The following SIDT2 variants were observed in gnomAD, a reference collection of about 807,000 sequenced individuals.
The protein encoded by SIDT2 is SID1 transmembrane family member 2.
In SIDT2, 68 loss-of-function variants were observed where a neutral mutation model predicts 114.4. The observed-to-expected ratio is 0.59, with a 90% confidence interval of 0.49 to 0.73. SIDT2 has a LOEUF of 0.73. Among genes scored for constraint, SIDT2 ranks in the 30% least tolerant of loss-of-function variants. The pLI, the probability that SIDT2 is intolerant of heterozygous loss-of-function variation, is 0.00. For missense variants in SIDT2, 918 were observed against 1,097.1 expected, an observed-to-expected ratio of 0.84 and a Z score of 2.31; for synonymous variants, 470 against 438.4, an observed-to-expected ratio of 1.07 and a Z score of -0.90.
intron 23 of SIDT2, 56 bp from the exon 24 acceptor site, chr11:117,193,797 G>T (rs1279968316): frequency 2.3e-6 from 3 of 1,320,082 alleles, no homozygotes; most frequent in Non-Finnish European, 3.3e-6. Flanking sequence ...GGGTGGGACA[G>T]CGGGGTGGGA....
At chr11:117,183,110 G>A (rs546467565) in intron 6 of SIDT2, among the ~76,000 whole-genome samples, 2 of 152,314 alleles carry the variant, frequency 1.3e-5, no homozygotes, top group African/African-American at 2.4e-5. Context: ...TTGGGAGGCC[G>A]AGGTGGGCGG....
chr11:117,190,806 C>T lies in SIDT2; in HGVS notation c.1735+66C>T. ...GGGACCTGCCTGAGTCCTTCACTATCCCCAAGTCACCCACAGGGATCGCTA... is the reference window on the plus strand; with the variant it reads ...GGGACCTGCCTGAGTCCTTCACTATTCCCAAGTCACCCACAGGGATCGCTA... On this transcript the variant is annotated intron_variant, in intron 18 of 25. Transcript: ENST00000324225. The surrounding 1 kb of genome is among the most constrained non-coding windows in gnomAD (Gnocchi z 4.1). 3 of 1,277,754 alleles carry T rather than the reference C, an allele frequency of 2.3e-6. No individual in the cohort carries two copies. The highest frequency in any genetic ancestry group is 2.3e-6 in the Non-Finnish European group (2 of 876,564). 79.2% of individuals were successfully genotyped at this position (1,277,754 alleles called of 1,614,324 possible).
chr11:117,196,028 C>G lies in SIDT2; in HGVS notation c.2461C>G (p.Leu821Val). The change falls in exon 26 of 26, where the codon CTG becomes GTG. Residue 821 changes from leucine (L) to valine (V), a missense_variant. By Grantham distance (32) the Leu-to-Val change is conservative. Around this residue, in one of 4 missense-constraint regions of SIDT2, gnomAD observed 275 missense variants for 397.6 expected, o/e 0.69. Coordinates refer to ENST00000324225, the MANE Select transcript of SIDT2 (RefSeq NM_001040455.2). The surrounding 1 kb of genome is among the most constrained non-coding windows in gnomAD (Gnocchi z 4.9). ...GGTGTTGCTGACACTGGATGACGAC[C>G]TGGATACTGTGCAGCGGGACAAGAT... Reference protein sequence around the residue: ...FLVLLTLDDDLDTVQRDKIYV... With the variant: ...FLVLLTLDDDVDTVQRDKIYV... 6.2e-7 allele frequency: 1 copy of G among 1,614,254 alleles called. No homozygotes were observed. Among genetic ancestry groups the G allele is most frequent in the Non-Finnish European group, 8.5e-7 (1 of 1,180,048 alleles).
intron 10 of SIDT2, chr11:117,186,952 T>C (rs1016494393): frequency 6.8e-7 from 1 of 1,478,166 alleles, no homozygotes; most frequent in Non-Finnish European, 9.0e-7. Context: ...CCTCCCTCTC[T>C]TTCTGTCCTC....
At chr11:117,185,956 T>G in intron 8 of SIDT2, 174 bp from the exon 9 acceptor site, 1 of 549,438 alleles carries the variant, frequency 1.8e-6, no homozygotes, top group Non-Finnish European at 3.3e-6. Flanking sequence ...GTGTCAGAGT[T>G]TGGTGTATTA....
chr11:117,190,515 AC>A lies in SIDT2; in HGVS notation c.1618-104del. On this transcript the variant is annotated intron_variant, in intron 17 of 25. Coordinates refer to ENST00000324225, the MANE Select transcript of SIDT2 (RefSeq NM_001040455.2). This position sits in a 1 kb window ranked among gnomAD's most constrained non-coding sequence, Gnocchi z 4.1. ...CCCTGCACACCCACACTCGACACAT[AC>A]CCCACCCCTTTTCCTCTTCCACTCC... The A allele has an allele frequency of 1.8e-6, 2 of 1,097,404 alleles. No homozygotes were observed. The highest frequency in any genetic ancestry group is 1.3e-6 in the Non-Finnish European group (1 of 759,906). 68.0% of individuals were successfully genotyped at this position (1,097,404 alleles called of 1,614,324 possible).
At position 117,196,950 on chromosome 11, in the gene SIDT2, G is replaced by C. The variant is rs1014606807; in HGVS notation, c.*884G>C. 1 of 152,704 alleles carries C rather than the reference G, an allele frequency of 6.5e-6. No individual in the cohort carries two copies. Among genetic ancestry groups the C allele is most frequent in the Non-Finnish European group, 1.5e-5 (1 of 68,090 alleles). 9.5% of individuals were successfully genotyped at this position (152,704 alleles called of 1,614,324 possible). A position where few individuals can be genotyped will look rare whatever the true frequency, so the allele number is the denominator to read the frequency against. ...CCAAGAATGTCCAGGGGCAAAGGAG[G>C]GATGATACAGAGTTCAGCCCGTTCT... On this transcript the variant is annotated 3_prime_UTR_variant, in exon 26 of 26. Transcript: ENST00000324225. The surrounding 1 kb of genome is among the most constrained non-coding windows in gnomAD (Gnocchi z 4.9).
intron 8 of SIDT2, chr11:117,185,904 G>T: frequency 8.5e-6 from 3 of 351,596 alleles, no homozygotes; most frequent in East Asian, 5.5e-5. Context: ...AAGTAGAAGA[G>T]AAAGTTCTAG....
chr11:117,178,945 C>T lies in SIDT2; in HGVS notation c.-319C>T, dbSNP rs533215866. ...TCTCCAGGCTCCCGGCAACCAGCCG[C>T]CCTCCTTCTCACGGCCCTGGCCCGG... On this transcript the variant is annotated 5_prime_UTR_variant, in exon 1 of 26. Coordinates refer to ENST00000324225, the MANE Select transcript of SIDT2 (RefSeq NM_001040455.2). 38 of 269,808 alleles carry T rather than the reference C, an allele frequency of 1.4e-4. 1 individual carries two copies. The South Asian group carries it at 3.4e-3, about 24-fold the overall frequency. 16.7% of individuals were successfully genotyped at this position (269,808 alleles called of 1,614,324 possible). A position where few individuals can be genotyped will look rare whatever the true frequency, so the allele number is the denominator to read the frequency against.
chr11:117,194,936 A>G (rs2030836212), intron 24 of SIDT2, among the ~76,000 whole-genome samples: 1 of 151,846 alleles, frequency 6.6e-6, no homozygotes, highest in Non-Finnish European at 1.5e-5. Context: ...AAAATACAAA[A>G]GTTAGCTGGG....
In SIDT2 at chr11:117,182,097, C is replaced by T; in HGVS notation, c.508C>T (p.Gln170Ter). The change falls in exon 4 of 26, where the codon CAG (glutamine) becomes TAG (stop). Residue 170 changes from glutamine (Q) to a stop codon, truncating the protein, a stop_gained. Transcript: ENST00000324225. LOFTEE classifies it high-confidence loss of function. ...GTTCAGCTTCAATACCACAGCAGCA[C>T]AGCCCCAGGTAACATCTCCCTGTTG... ...EQFSFNTTAAQPQYFKYEFPE... is the reference protein window; with the variant it reads ...EQFSFNTTAA 1 of 1,614,014 alleles carries T rather than the reference C, an allele frequency of 6.2e-7. No homozygotes were observed. The highest frequency in any genetic ancestry group is 8.5e-7 in the Non-Finnish European group (1 of 1,180,026).
Position 117,192,223 on chromosome 11 carries a change from C to G in SIDT2, c.1873-31C>G. On this transcript the variant is annotated intron_variant, in intron 19 of 25. Transcript: ENST00000324225. The surrounding 1 kb of genome is among the most constrained non-coding windows in gnomAD (Gnocchi z 5.9). ...CATCCGAGCCACTTCCCTCTCCACC[C>G]TCACCGCTGCCCTTGGTGGCCTCCC... The G allele has an allele frequency of 6.7e-7, 1 of 1,497,710 alleles. No individual in the cohort carries two copies. Among genetic ancestry groups the G allele is most frequent in the Middle Eastern group, 1.7e-4 (1 of 5,840 alleles). The allele number at this position is 1,497,710 out of a possible 1,614,324, so 92.8% of individuals were successfully genotyped here.
chr11:117,180,893 C>T (rs1268103100), intron 1 of SIDT2, among the ~76,000 whole-genome samples: 3 of 152,098 alleles, frequency 2.0e-5, no homozygotes, highest in African/African-American at 4.8e-5. Flanking sequence ...CAGCCCTGTC[C>T]CTTGGTGGGA....
Position 117,192,367 on chromosome 11 carries a change from G to T in SIDT2, c.1981+5G>T. 6.4e-7 allele frequency: 1 copy of T among 1,561,102 alleles called. No individual in the cohort carries two copies. The highest frequency in any genetic ancestry group is 8.8e-7 in the Non-Finnish European group (1 of 1,132,776). ...ACATGGGCCGGTGGAAACTGGGTAAGGGCACGCCCGGGGCAGGGCCTGGGG... is the reference window on the plus strand; with the variant it reads ...ACATGGGCCGGTGGAAACTGGGTAATGGCACGCCCGGGGCAGGGCCTGGGG... On this transcript the variant is annotated splice_donor_5th_base_variant and intron_variant, in intron 20 of 25. Transcript: ENST00000324225. The surrounding 1 kb of genome is among the most constrained non-coding windows in gnomAD (Gnocchi z 5.9).
At chr11:117,187,968 G>T (rs773556613) in intron 12 of SIDT2, 6 of 652,396 alleles carry the variant, frequency 9.2e-6, no homozygotes, top group Admixed American at 2.1e-5. Context: ...GACCTGGGGT[G>T]GGGGTAGGGC....
rs562963884 is a variant in SIDT2 at position 117,186,759 on chromosome 11, G to A, written c.1015+123G>A. 228 of 967,180 alleles carry A rather than the reference G, an allele frequency of 2.4e-4. No homozygotes were observed. In the African/African-American group the frequency reaches 3.5e-3, roughly 15 times the overall value. 59.9% of individuals were successfully genotyped at this position (967,180 alleles called of 1,614,324 possible). On this transcript the variant is annotated intron_variant, in intron 10 of 25. Coordinates refer to ENST00000324225, the MANE Select transcript of SIDT2 (RefSeq NM_001040455.2). The stretch of plus-strand genomic sequence containing the variant: ...GGGGGTTTCTGGATGTTCAGATGGG[G>A]GTAACACTCCACAGATGGGAATGAG...
rs754894580 is a variant in SIDT2, at chr11:117,188,819, G to A, written c.1271G>A (p.Arg424His). 18 of 1,613,870 alleles carry A rather than the reference G, an allele frequency of 1.1e-5. No homozygotes were observed. The highest frequency in any genetic ancestry group is 4.5e-5 in the East Asian group (2 of 44,862). The stretch of plus-strand genomic sequence containing the variant: ...ATCGATTCCGACAAGAATGTCATTC[G>A]CACCAAGGTCTGACCCGTGGGCCTG... Reference protein sequence around the residue: ...TDIDSDKNVIRTKQYLYVADL... With the variant: ...TDIDSDKNVIHTKQYLYVADL... The change falls in exon 13 of 26, where the codon CGC (arginine) becomes CAC (histidine). Residue 424 changes from arginine to histidine, a missense_variant. This residue lies in a region of SIDT2 where 553 missense variants were observed against 600.1 expected (regional missense o/e 0.92). Coordinates refer to ENST00000324225, the MANE Select transcript of SIDT2 (RefSeq NM_001040455.2). The surrounding 1 kb of genome is among the most constrained non-coding windows in gnomAD (Gnocchi z 4.0).
chr11:117,187,132 G>A, intron 10 of SIDT2: 1 of 1,264,354 alleles, frequency 7.9e-7, no homozygotes, highest in East Asian at 2.6e-5. Context: ...AGATGTGCCT[G>A]TTCTTGAACT....
intron 4 of SIDT2, 59 bp downstream of exon 4, chr11:117,182,164 G>A (rs1322452402): frequency 6.3e-7 from 1 of 1,594,608 alleles, no homozygotes; most frequent in Non-Finnish European, 8.6e-7. Context: ...ATATGAGAAT[G>A]GGAGTGGCCA....
Sources: gnomAD v4.1 joint callset for allele counts (sites outside exome capture counted in the v4.1 genomes callset) on GRCh38, gnomAD v4.1.1 for gene constraint, gnomAD v4.1.1 regional missense constraint, Gnocchi (gnomAD v3.1) non-coding constraint, MANE v1.5 for transcripts, NCBI Gene and HGNC (gene_info 2026-07-23, HGNC 2026-07-21) for gene names.